Variants in UST observed in about 807,000 individuals in gnomAD.
UST encodes chondroitin sulfate 2-O-sulfotransferase.
UST carries 21 observed loss-of-function variants against 45.6 expected under a neutral mutation model. That is an observed-to-expected ratio of 0.46 (90% CI 0.33 to 0.66). UST has a LOEUF of 0.66. Ranked by LOEUF, UST falls within the 30% of genes least tolerant of loss-of-function variation. UST has a pLI of 0.02. For missense variants in UST, 463 were observed against 512.4 expected, an observed-to-expected ratio of 0.90 and a Z score of 0.93; for synonymous variants, 215 against 200.6, an observed-to-expected ratio of 1.07 and a Z score of -0.61.
intron 1 of UST, among the ~76,000 whole-genome samples, chr6:148,773,644 C>T (rs991860811): frequency 4.6e-5 from 7 of 152,006 alleles, no homozygotes; most frequent in African/African-American, 7.3e-5. Flanking sequence ...AAATTCTTTC[C>T]GTTGGGTGAC....
chr6:149,001,770 A>C (rs1562326031), intron 5 of UST, among the ~76,000 whole-genome samples: 1 of 152,252 alleles, frequency 6.6e-6, no homozygotes, highest in Non-Finnish European at 1.5e-5. Flanking sequence ...GCTGTTGAGT[A>C]AAACAATGTT....
intron 7 of UST, among the ~76,000 whole-genome samples, chr6:149,044,888 A>G (rs117449514): frequency 2.1e-3 from 319 of 152,372 alleles, no homozygotes; most frequent in Non-Finnish European, 3.6e-3. Context: ...GCAAAGTGGA[A>G]TCCACCCAAG....
intron 2 of UST, among the ~76,000 whole-genome samples, chr6:148,929,059 T>C (rs1779873460): frequency 6.6e-6 from 1 of 152,226 alleles, no homozygotes; most frequent in South Asian, 2.1e-4. Flanking sequence ...TGTTTGCTGC[T>C]CTTACTCCCT....
At chr6:148,943,384 A>C (rs914647699) in intron 3 of UST, among the ~76,000 whole-genome samples, 2 of 152,228 alleles carry the variant, frequency 1.3e-5, no homozygotes, top group African/African-American at 4.8e-5. Flanking sequence ...AAGAACACAA[A>C]GTACAGTATT....
intron 5 of UST, among the ~76,000 whole-genome samples, chr6:148,969,879 G>A (rs550264683): frequency 2.0e-5 from 3 of 152,268 alleles, no homozygotes; most frequent in East Asian, 1.9e-4. Flanking sequence ...ATCCCAGCCC[G>A]CTGGCATACA....
chr6:149,055,727 A>G (rs1776552070), intron 7 of UST, among the ~76,000 whole-genome samples: 1 of 152,028 alleles, frequency 6.6e-6, no homozygotes, highest in African/African-American at 2.4e-5. Context: ...ACTCCCACCC[A>G]TGTCTTATCA....
At chr6:148,778,874 C>G (rs368343130) in intron 1 of UST, among the ~76,000 whole-genome samples, 1 of 152,244 alleles carries the variant, frequency 6.6e-6, no homozygotes, top group East Asian at 1.9e-4. Context: ...AGGCCCACCC[C>G]CCTCCATCCC....
At position 148,942,941 on chromosome 6, in the gene UST, G is replaced by A. The variant is rs557368184; in HGVS notation, c.447+1507G>A. 4.6e-5 allele frequency among the ~76,000 whole-genome samples: 7 copies of A among 152,224 alleles called. No homozygotes were observed. The South Asian group carries it at 1.5e-3, about 32-fold the overall frequency. The stretch of plus-strand genomic sequence containing the variant: ...AATATTTTAAGGTTATACCTTGTAG[G>A]TTCCATATTAGGGTCTCCAAAGAAA... On this transcript the variant is annotated intron_variant, in intron 3 of 7. Coordinates refer to ENST00000367463, the MANE Select transcript of UST (RefSeq NM_005715.3).
chr6:148,959,393 C>CA (rs1332316638), intron 4 of UST, among the ~76,000 whole-genome samples: 1 of 152,164 alleles, frequency 6.6e-6, no homozygotes, highest in East Asian at 1.9e-4. Flanking sequence ...AAGAAAGCAC[C>CA]AAAGTAAAAA....
chr6:149,053,655 C>T lies in UST; in HGVS notation c.938-20178C>T, dbSNP rs192466501. On this transcript the variant is annotated intron_variant, in intron 7 of 7. Transcript: ENST00000367463. ...GTATCTGTCTGATCAGGAGGTGAAC[C>T]GATGGTGCTGTATGAAATTGAGAAC... Among the ~76,000 whole-genome samples, 316 of 152,262 alleles carry T rather than the reference C, an allele frequency of 2.1e-3. 6 individuals carry two copies. The highest frequency in any genetic ancestry group is 2.5e-3 in the Non-Finnish European group (173 of 68,024).
At chr6:148,807,020 C>A (rs909514394) in intron 1 of UST, among the ~76,000 whole-genome samples, 23 of 152,174 alleles carry the variant, frequency 1.5e-4, no homozygotes, top group African/African-American at 5.3e-4. Flanking sequence ...GGACATTAAA[C>A]CACAGCAGTT....
chr6:148,945,571 C>G (rs977833078), intron 3 of UST, among the ~76,000 whole-genome samples: 1 of 152,144 alleles, frequency 6.6e-6, no homozygotes, highest in African/African-American at 2.4e-5. Context: ...CCTGAGAATC[C>G]TAGTCCTCTA....
intron 1 of UST, among the ~76,000 whole-genome samples, chr6:148,802,905 G>A (rs1306966763): frequency 2.6e-5 from 4 of 152,154 alleles, no homozygotes; most frequent in Non-Finnish European, 5.9e-5. Flanking sequence ...CAATATCTCT[G>A]AGCTTCATTG....
chr6:148,894,211 C>T (rs1779075169), intron 2 of UST, among the ~76,000 whole-genome samples: 1 of 152,180 alleles, frequency 6.6e-6, no homozygotes, highest in African/African-American at 2.4e-5. Flanking sequence ...TGATCAGTCA[C>T]AAATCCAGTT....
chr6:148,873,626 G>A (rs1341870450), intron 1 of UST, among the ~76,000 whole-genome samples: 1 of 152,176 alleles, frequency 6.6e-6, no homozygotes, highest in Non-Finnish European at 1.5e-5. Context: ...GTGTGGGTAT[G>A]GAACAGGGCT....
chr6:148,964,199 G>A (rs980733530), intron 4 of UST, among the ~76,000 whole-genome samples: 1 of 152,136 alleles, frequency 6.6e-6, no homozygotes, highest in African/African-American at 2.4e-5. Context: ...CCCTCAACAG[G>A]TACCTGGAAC....
At chr6:148,857,989 A>G (rs1343507702) in intron 1 of UST, among the ~76,000 whole-genome samples, 1 of 152,188 alleles carries the variant, frequency 6.6e-6, no homozygotes, top group Non-Finnish European at 1.5e-5. Flanking sequence ...TGCAAAGAGT[A>G]TGTTTACTTG....
At chr6:148,917,872 C>T (rs184851786) in intron 2 of UST, among the ~76,000 whole-genome samples, 87 of 152,336 alleles carry the variant, frequency 5.7e-4, no homozygotes, top group Non-Finnish European at 1.1e-3. Flanking sequence ...GGCTAAGATC[C>T]GCCAGGTAGA....
At chr6:148,929,916 G>A (rs148312688) in intron 2 of UST, among the ~76,000 whole-genome samples, 118 of 152,254 alleles carry the variant, frequency 7.8e-4, no homozygotes, top group African/African-American at 2.7e-3. Flanking sequence ...ACACACACAC[G>A]ATGTGAAAAA....
Sources: allele counts gnomAD v4.1 joint callset (sites outside exome capture counted in the v4.1 genomes callset), GRCh38; gene constraint gnomAD v4.1.1; transcripts MANE v1.5; gene names NCBI Gene and HGNC (gene_info 2026-07-23, HGNC 2026-07-21).